The following NRP2 variants were observed in gnomAD, a reference collection of about 807,000 sequenced individuals.
NRP2 encodes the protein neuropilin-2.
In NRP2, 52 loss-of-function variants were observed where a neutral mutation model predicts 110.4. The ratio of observed to expected loss-of-function variants is 0.47; its 90% CI spans 0.38 to 0.59. The LOEUF is 0.59. Among genes scored for constraint, NRP2 ranks in the 20% least tolerant of loss-of-function variants. The pLI is 0.00. For missense variants in NRP2, 1,049 were observed against 1,203.0 expected, an observed-to-expected ratio of 0.87 and a Z score of 1.89; for synonymous variants, 508 against 468.9, an observed-to-expected ratio of 1.08 and a Z score of -1.08.
chr2:205,683,198 A>T lies in NRP2; in HGVS notation c.-93A>T. 1 of 910,620 alleles carries T rather than the reference A, an allele frequency of 1.1e-6. No homozygotes were observed. Among genetic ancestry groups the T allele is most frequent in the Non-Finnish European group, 1.8e-6 (1 of 562,244 alleles). The allele number at this position is 910,620 out of a possible 1,614,324, so 56.4% of individuals were successfully genotyped here. A position where few individuals can be genotyped will look rare whatever the true frequency, so the allele number is the denominator to read the frequency against. ...TGACCATTAGAAACCTCTGCATAAG[A>T]CGTTGTAAGGAGGAAAATAAAAGAG... On this transcript the variant is annotated 5_prime_UTR_variant, in exon 1 of 17. Coordinates refer to ENST00000357785, the MANE Select transcript of NRP2 (RefSeq NM_003872.3).
chr2:205,776,634 A>T, intron 15 of NRP2: 1 of 1,587,806 alleles, frequency 6.3e-7, no homozygotes, highest in African/African-American at 1.3e-5. Flanking sequence ...ACTCTCAGAC[A>T]TCTCTTTCCC....
chr2:205,734,399 G>GCCCCCCCCCCCC (rs201261642), intron 7 of NRP2, among the ~76,000 whole-genome samples: 3 of 90,478 alleles, frequency 3.3e-5, no homozygotes, highest in African/African-American at 1.2e-4. Context: ...ATTTCCCACC[G>GCCCCCCCCCCCC]CCCCCCCCCA....
chr2:205,752,326 CTTCCTT>C, intron 11 of NRP2: 1 of 201,902 alleles, frequency 5.0e-6, no homozygotes, highest in South Asian at 9.1e-5. Context: ...GCAAACAAGC[CTTCCTT>C]GTTTCTGAGG....
chr2:205,795,080 C>T lies in NRP2; in HGVS notation c.*22C>T. ...ATGACGGATTGCACCTGAATCCTAT[C>T]TGACGTTTCATTCCAGCAAGAGGGG... On this transcript the variant is annotated 3_prime_UTR_variant, in exon 17 of 17. Coordinates refer to ENST00000357785, the MANE Select transcript of NRP2 (RefSeq NM_003872.3). 1.2e-6 allele frequency: 2 copies of T among 1,609,592 alleles called. No individual in the cohort carries two copies. Among genetic ancestry groups the T allele is most frequent in the Non-Finnish European group, 1.7e-6 (2 of 1,176,780 alleles).
chr2:205,780,590 C>T (rs2058162617), intron 15 of NRP2, among the ~76,000 whole-genome samples: 1 of 152,202 alleles, frequency 6.6e-6, no homozygotes, highest in Non-Finnish European at 1.5e-5. Context: ...GGATTTCCCA[C>T]CAACCCCATT....
intron 1 of NRP2, among the ~76,000 whole-genome samples, chr2:205,683,802 G>A (rs2056076869): frequency 6.6e-6 from 1 of 152,170 alleles, no homozygotes; most frequent in Non-Finnish European, 1.5e-5. Flanking sequence ...AATGTTAACT[G>A]AAGGGCTTGG....
intron 15 of NRP2, among the ~76,000 whole-genome samples, chr2:205,788,731 A>G (rs1360566783): frequency 2.0e-5 from 3 of 152,110 alleles, no homozygotes; most frequent in African/African-American, 7.2e-5. Flanking sequence ...AGCACTTGGG[A>G]GTCCTCTCCG....
At chr2:205,772,473 A>G (rs1159566288) in intron 15 of NRP2, among the ~76,000 whole-genome samples, 1 of 152,226 alleles carries the variant, frequency 6.6e-6, no homozygotes, top group Non-Finnish European at 1.5e-5. Context: ...CAACCTTGCA[A>G]ATGCACTTGG....
At chr2:205,744,379 G>A (rs1307469108) in intron 9 of NRP2, among the ~76,000 whole-genome samples, 2 of 152,136 alleles carry the variant, frequency 1.3e-5, no homozygotes, top group Admixed American at 6.6e-5. Context: ...TCTGAATGTC[G>A]CTGCATTCCT....
intron 15 of NRP2, among the ~76,000 whole-genome samples, chr2:205,788,915 A>T (rs141686718): frequency 0.019 from 2,873 of 152,228 alleles, 34 homozygotes; most frequent in Non-Finnish European, 0.03. Context: ...TAGGCTGGTT[A>T]GTTGGTTAAT....
intron 3 of NRP2, among the ~76,000 whole-genome samples, chr2:205,717,035 C>G (rs1393377961): frequency 1.3e-5 from 2 of 152,192 alleles, no homozygotes; most frequent in African/African-American, 4.8e-5. Flanking sequence ...CATCAGGTCC[C>G]CCTTAGATTA....
chr2:205,766,925 A>C (rs1575654233), intron 15 of NRP2, 122 bp downstream of exon 15: 1 of 845,512 alleles, frequency 1.2e-6, no homozygotes. Context: ...GAGAAAAGAG[A>C]CGCCACACCT....
chr2:205,708,205 G>A (rs996826413), intron 2 of NRP2, among the ~76,000 whole-genome samples: 4 of 152,208 alleles, frequency 2.6e-5, no homozygotes, highest in Non-Finnish European at 4.4e-5. Context: ...GCAGACCAAC[G>A]AAAGACCCAA....
intron 7 of NRP2, among the ~76,000 whole-genome samples, chr2:205,728,571 C>T (rs1390804454): frequency 9.2e-5 from 14 of 152,220 alleles, no homozygotes; most frequent in Admixed American, 7.2e-4. Flanking sequence ...TCATGCTTAG[C>T]GGCGAGGCAT....
chr2:205,707,429 C>A (rs1264283207), intron 2 of NRP2, among the ~76,000 whole-genome samples: 1 of 152,284 alleles, frequency 6.6e-6, no homozygotes, highest in East Asian at 1.9e-4. Context: ...ACAAGTTTGC[C>A]CCTGGAGCCA....
In NRP2 at chr2:205,725,544, G is replaced by A. The variant is rs2057110468; in HGVS notation, c.821-369G>A. On this transcript the variant is annotated intron_variant, in intron 5 of 16. Coordinates refer to ENST00000357785, the MANE Select transcript of NRP2 (RefSeq NM_003872.3). The surrounding 1 kb of genome is among the most constrained non-coding windows in gnomAD (Gnocchi z 4.1). ...ATAAAGCAGGCTTCCCACGATGTATGAGCTCACCCAAATCGCCACGAGTCT... is the reference window on the plus strand; with the variant it reads ...ATAAAGCAGGCTTCCCACGATGTATAAGCTCACCCAAATCGCCACGAGTCT... 6.6e-6 allele frequency among the ~76,000 whole-genome samples: 1 copy of A among 152,200 alleles called. No individual in the cohort carries two copies.
chr2:205,736,065 G>A (rs567224194), intron 7 of NRP2, among the ~76,000 whole-genome samples: 2 of 152,322 alleles, frequency 1.3e-5, no homozygotes, highest in South Asian at 4.1e-4. Context: ...AAGTGGGCCA[G>A]GCATGGTGGC....
intron 3 of NRP2, among the ~76,000 whole-genome samples, chr2:205,719,848 A>C (rs2056975666): frequency 1.3e-5 from 2 of 152,260 alleles, no homozygotes; most frequent in Admixed American, 1.3e-4. Flanking sequence ...GACATTTTTC[A>C]TAGCAGAGTC....
intron 15 of NRP2, among the ~76,000 whole-genome samples, chr2:205,787,983 G>C (rs989895052): frequency 6.6e-6 from 1 of 152,128 alleles, no homozygotes; most frequent in Non-Finnish European, 1.5e-5. Context: ...TTCACCCTTT[G>C]TGCCGTAGTG....
Sources: gnomAD v4.1 joint callset for allele counts (sites outside exome capture counted in the v4.1 genomes callset) on GRCh38, gnomAD v4.1.1 for gene constraint, Gnocchi (gnomAD v3.1) non-coding constraint, MANE v1.5 for transcripts, NCBI Gene and HGNC (gene_info 2026-07-23, HGNC 2026-07-21) for gene names.